MECOM: variants seen among roughly 807,000 people sequenced by gnomAD.
The protein encoded by MECOM is MDS1 and EVI1 complex locus, also known as histone-lysine N-methyltransferase MECOM.
MECOM carries 13 observed loss-of-function variants against 116.3 expected under a neutral mutation model. The observed-to-expected ratio is 0.11, with a 90% CI of 0.07 to 0.18. The LOEUF is 0.18. Among genes scored for constraint, MECOM ranks in the 10% least tolerant of loss-of-function variants. The probability of loss-of-function intolerance (pLI) is 1.00; values close to 1 mark genes in which losing one functional copy is unlikely to be tolerated. For missense variants in MECOM, 1,299 were observed against 1,509.0 expected (o/e 0.86, Z 2.31); for synonymous variants, 528 against 535.2 (o/e 0.99, Z 0.19).
intron 2 of MECOM, among the ~76,000 whole-genome samples, chr3:169,332,205 C>T (rs888098564): frequency 1.8e-4 from 28 of 152,112 alleles, no homozygotes; most frequent in African/African-American, 5.8e-4. Context: ...GGACCTTGTC[C>T]TAGAGAGTCT....
At chr3:169,490,270 A>G (rs958234899) in intron 1 of MECOM, among the ~76,000 whole-genome samples, 2 of 152,216 alleles carry the variant, frequency 1.3e-5, no homozygotes, top group Admixed American at 1.3e-4. Flanking sequence ...AAAGTGTACA[A>G]TCAACACGAG....
chr3:169,620,159 G>C (rs1770537940), intron 1 of MECOM, among the ~76,000 whole-genome samples: 2 of 152,212 alleles, frequency 1.3e-5, no homozygotes, highest in Non-Finnish European at 2.9e-5. Context: ...CAGAGGGCCA[G>C]AGTGATGGTC....
intron 3 of MECOM, among the ~76,000 whole-genome samples, chr3:169,142,262 T>C (rs1738340630): frequency 1.3e-5 from 2 of 151,984 alleles, no homozygotes; most frequent in South Asian, 2.1e-4. Context: ...AACAGTTTTA[T>C]CTGTCTAAGG....
At chr3:169,198,161 TA>T (rs1200687317) in intron 2 of MECOM, among the ~76,000 whole-genome samples, 3 of 152,014 alleles carry the variant, frequency 2.0e-5, no homozygotes, top group African/African-American at 7.2e-5. Context: ...CTTCTGACAA[TA>T]AAAGATGATG....
At chr3:169,216,286 A>T (rs1751412184) in intron 2 of MECOM, among the ~76,000 whole-genome samples, 1 of 152,180 alleles carries the variant, frequency 6.6e-6, no homozygotes, top group Non-Finnish European at 1.5e-5. Flanking sequence ...GACCATCTAA[A>T]CTACTTTTTT....
chr3:169,344,562 G>A (rs1483008683), intron 2 of MECOM, among the ~76,000 whole-genome samples: 1 of 152,124 alleles, frequency 6.6e-6, no homozygotes, highest in Non-Finnish European at 1.5e-5. Flanking sequence ...ATGACCTTGA[G>A]CCTCTCTGGG....
At chr3:169,091,527 T>C (rs888489425) in intron 14 of MECOM, among the ~76,000 whole-genome samples, 5 of 152,192 alleles carry the variant, frequency 3.3e-5, no homozygotes, top group Non-Finnish European at 5.9e-5. Context: ...ATCAAGTAAA[T>C]ATCATTATCA....
chr3:169,350,549 T>G (rs1182515790), intron 2 of MECOM, among the ~76,000 whole-genome samples: 1 of 151,926 alleles, frequency 6.6e-6, no homozygotes, highest in East Asian at 1.9e-4. Flanking sequence ...AATTATGAGG[T>G]GTTATAAGTG....
At chr3:169,412,301 G>A (rs1199767119) in intron 1 of MECOM, among the ~76,000 whole-genome samples, 2 of 148,324 alleles carry the variant, frequency 1.3e-5, no homozygotes, top group Non-Finnish European at 3.0e-5. Flanking sequence ...AAAAAAAAAG[G>A]AATAAATAAA....
At chr3:169,529,401 C>G (rs1560396763) in intron 1 of MECOM, among the ~76,000 whole-genome samples, 2 of 152,214 alleles carry the variant, frequency 1.3e-5, no homozygotes, top group African/African-American at 4.8e-5. Context: ...CAAACTGCAT[C>G]CATGAAAATA....
chr3:169,530,042 G>A (rs1230717440), intron 1 of MECOM, among the ~76,000 whole-genome samples: 1 of 152,178 alleles, frequency 6.6e-6, no homozygotes, highest in African/African-American at 2.4e-5. Context: ...ACAAACATGG[G>A]GATTGCTAAC....
chr3:169,432,524 T>C (rs1741814829), intron 1 of MECOM, among the ~76,000 whole-genome samples: 2 of 152,230 alleles, frequency 1.3e-5, no homozygotes, highest in Admixed American at 1.3e-4. Flanking sequence ...GTAAAGCAGA[T>C]GTCAATGTCT....
chr3:169,203,320 C>T (rs567649079), intron 2 of MECOM, among the ~76,000 whole-genome samples: 25 of 152,156 alleles, frequency 1.6e-4, no homozygotes, highest in African/African-American at 2.4e-4. Context: ...TTTAATACCA[C>T]AGTGGAAAGA....
At chr3:169,545,843 C>T (rs1032670362) in intron 1 of MECOM, among the ~76,000 whole-genome samples, 12 of 152,164 alleles carry the variant, frequency 7.9e-5, no homozygotes, top group Admixed American at 7.9e-4. Flanking sequence ...CCTGCCAAAC[C>T]TCCTCCCCTG....
At chr3:169,217,947 C>T (rs1751618592) in intron 2 of MECOM, among the ~76,000 whole-genome samples, 1 of 150,998 alleles carries the variant, frequency 6.6e-6, no homozygotes, top group Non-Finnish European at 1.5e-5. Flanking sequence ...TACAACATGG[C>T]CTTGACAACA....
At chr3:169,523,426 G>A (rs1269927239) in intron 1 of MECOM, among the ~76,000 whole-genome samples, 1 of 97,666 alleles carries the variant, frequency 1.0e-5, no homozygotes, top group Admixed American at 1.1e-4. Flanking sequence ...ACTCACTACT[G>A]CAGGTAATTT....
In MECOM at chr3:169,172,048, A is replaced by G. The variant is rs1744489724; in HGVS notation, c.376-28216T>C. ...TGAAACAGGCAATACTGATGTAGAAAGAACTGAGGAATAAAAAGAATAGAA... is the reference window on the plus strand; with the variant it reads ...TGAAACAGGCAATACTGATGTAGAAGGAACTGAGGAATAAAAAGAATAGAA... On this transcript the variant is annotated intron_variant, in intron 2 of 16. Transcript: ENST00000651503. 1.3e-5 allele frequency among the ~76,000 whole-genome samples: 2 copies of G among 152,176 alleles called. 1 individual carries two copies. The highest frequency in any genetic ancestry group is 4.8e-5 in the African/African-American group (2 of 41,448).
At chr3:169,370,896 C>T (rs748194518) in intron 2 of MECOM, among the ~76,000 whole-genome samples, 4 of 151,946 alleles carry the variant, frequency 2.6e-5, no homozygotes, top group Middle Eastern at 3.4e-3. Context: ...AAAAGGGGCT[C>T]TTTATATACT....
rs749826003 is a variant in MECOM, at chr3:169,084,109, C to T, written c.*800G>A. 1 of 231,420 alleles carries T rather than the reference C, an allele frequency of 4.3e-6. No homozygotes were observed. The highest frequency in any genetic ancestry group is 2.2e-5 in the African/African-American group (1 of 45,194). The allele number at this position is 231,420 out of a possible 1,614,324, so 14.3% of individuals were successfully genotyped here. Reference sequence around the variant, plus strand: ...TAATCAACAAACAATAGTTTGCCAACAAATAAATACATGATACACGCAACA... The same window carrying T: ...TAATCAACAAACAATAGTTTGCCAATAAATAAATACATGATACACGCAACA... On this transcript the variant is annotated 3_prime_UTR_variant, in exon 17 of 17. Transcript: ENST00000651503.
Sources: allele counts gnomAD v4.1 joint callset (sites outside exome capture counted in the v4.1 genomes callset), GRCh38; gene constraint gnomAD v4.1.1; transcripts MANE v1.5; gene names NCBI Gene and HGNC (gene_info 2026-07-23, HGNC 2026-07-21).